PTPRM: variants seen among roughly 807,000 people sequenced by gnomAD.
PTPRM encodes the protein protein tyrosine phosphatase receptor type M, also known as receptor-type tyrosine-protein phosphatase mu.
In PTPRM, 47 loss-of-function variants were observed where a neutral mutation model predicts 186.7. The observed-to-expected ratio is 0.25, with a 90% CI of 0.20 to 0.32. PTPRM has a LOEUF of 0.32. Among genes scored for constraint, PTPRM ranks in the 10% least tolerant of loss-of-function variants. The probability of loss-of-function intolerance (pLI) is 1.00; values close to 1 mark genes in which losing one functional copy is unlikely to be tolerated. For missense variants in PTPRM, 1,494 were observed against 1,865.0 expected, an observed-to-expected ratio of 0.80 and a Z score of 3.66; for synonymous variants, 668 against 674.9, an observed-to-expected ratio of 0.99 and a Z score of 0.16.
rs1209353785 is a variant in PTPRM, at chr18:7,960,476, TATATACACAC to T, written c.1132+5064_1132+5073del. ...ATATATATATATATATATATATATA[TATATACACAC>T]ACACACACACACACACACACACGTG... On this transcript the variant is annotated intron_variant, in intron 7 of 32. Coordinates refer to ENST00000580170, the MANE Select transcript of PTPRM (RefSeq NM_001105244.2). 1.5e-4 allele frequency among the ~76,000 whole-genome samples: 17 copies of T among 114,450 alleles called. No individual in the cohort carries two copies. In the East Asian group the frequency reaches 3.2e-3, roughly 22 times the overall value. 75.1% of individuals were successfully genotyped at this position (114,450 alleles called of 152,430 possible).
At chr18:8,345,244 A>AAGG (rs1279233465) in intron 23 of PTPRM, among the ~76,000 whole-genome samples, 2 of 84,354 alleles carry the variant, frequency 2.4e-5, no homozygotes, top group Non-Finnish European at 5.5e-5. Context: ...AAGAAAAAAA[A>AAGG]AAGGAAATAA....
At chr18:8,386,180 G>A (rs2095771646) in intron 30 of PTPRM, among the ~76,000 whole-genome samples, 1 of 152,152 alleles carries the variant, frequency 6.6e-6, no homozygotes, top group Non-Finnish European at 1.5e-5. Context: ...AATATCAGGT[G>A]GGCCTTTGAA....
At chr18:8,054,116 G>A (rs569954248) in intron 7 of PTPRM, among the ~76,000 whole-genome samples, 1 of 151,662 alleles carries the variant, frequency 6.6e-6, no homozygotes, top group South Asian at 2.1e-4. Context: ...ATTTCTTACT[G>A]TACTGAATGG....
chr18:7,772,013 G>A (rs922908289), intron 1 of PTPRM, among the ~76,000 whole-genome samples: 4 of 152,210 alleles, frequency 2.6e-5, no homozygotes, highest in Non-Finnish European at 5.9e-5. Context: ...GCTCGCAGAA[G>A]CTGAGAATGG....
chr18:8,384,205 C>T (rs1230279625), intron 29 of PTPRM, among the ~76,000 whole-genome samples: 1 of 152,178 alleles, frequency 6.6e-6, no homozygotes, highest in Admixed American at 6.5e-5. Context: ...CATCCGTAAT[C>T]CCAGCAATTT....
At chr18:7,615,527 C>A (rs902975874) in intron 1 of PTPRM, among the ~76,000 whole-genome samples, 16 of 152,110 alleles carry the variant, frequency 1.1e-4, no homozygotes, top group African/African-American at 3.4e-4. Context: ...GGAGCCATCC[C>A]TGTCATCTGG....
Position 8,055,940 on chromosome 18 carries a change from A to T in PTPRM, c.1133-13746A>T, listed in dbSNP as rs114009375. Among the ~76,000 whole-genome samples the T allele has an allele frequency of 9.5e-4, 145 of 152,082 alleles. 1 individual carries two copies. The highest frequency in any genetic ancestry group is 2.8e-3 in the African/African-American group (117 of 41,462). On this transcript the variant is annotated intron_variant, in intron 7 of 32. Transcript: ENST00000580170. ...ATATAGACAACTAGAGTTCCACCTT[A>T]CCCTTTGTTTTGGATAAGGGACATG...
chr18:7,706,426 A>G (rs575465048), intron 1 of PTPRM, among the ~76,000 whole-genome samples: 2 of 151,698 alleles, frequency 1.3e-5, no homozygotes, highest in South Asian at 2.1e-4. Flanking sequence ...GGGAGACCCT[A>G]CTTCTACAAA....
intron 1 of PTPRM, 107 bp from the exon 2 acceptor site, chr18:7,774,042 G>A (rs2042463727): frequency 8.6e-7 from 1 of 1,166,328 alleles, no homozygotes; most frequent in Admixed American, 2.2e-5. Flanking sequence ...ATCAGATTTA[G>A]TTTGGCATCA....
intron 7 of PTPRM, among the ~76,000 whole-genome samples, chr18:8,034,279 C>T (rs1225535007): frequency 6.6e-6 from 1 of 152,180 alleles, no homozygotes; most frequent in African/African-American, 2.4e-5. Context: ...TACGTTCACC[C>T]TATCCCAACA....
At chr18:7,873,826 A>G (rs1391233843) in intron 2 of PTPRM, among the ~76,000 whole-genome samples, 1 of 152,230 alleles carries the variant, frequency 6.6e-6, no homozygotes, top group Admixed American at 6.5e-5. Context: ...TGTCTGGAGC[A>G]GTTGCTTAGT....
At chr18:7,676,669 G>A (rs1043984799) in intron 1 of PTPRM, among the ~76,000 whole-genome samples, 211 of 149,174 alleles carry the variant, frequency 1.4e-3, no homozygotes, top group African/African-American at 4.3e-3. Context: ...GTGTATGTGT[G>A]TGTGTGTGTG....
At chr18:7,917,932 C>T (rs2050655172) in intron 4 of PTPRM, among the ~76,000 whole-genome samples, 1 of 152,068 alleles carries the variant, frequency 6.6e-6, no homozygotes, top group Non-Finnish European at 1.5e-5. Flanking sequence ...AGAATATGTT[C>T]TATTTGTTTT....
intron 9 of PTPRM, among the ~76,000 whole-genome samples, chr18:8,083,195 C>A (rs1230796933): frequency 6.6e-6 from 1 of 152,130 alleles, no homozygotes; most frequent in Non-Finnish European, 1.5e-5. Flanking sequence ...TCAGGGTGAA[C>A]TCTTTATAAG....
chr18:7,960,482 C>T lies in PTPRM; in HGVS notation c.1132+5068C>T, dbSNP rs11081347. 7.1e-3 allele frequency among the ~76,000 whole-genome samples: 622 copies of T among 87,080 alleles called. 1 individual carries two copies. Among genetic ancestry groups the T allele is most frequent in the East Asian group, 0.021 (44 of 2,130 alleles). The allele number at this position is 87,080 out of a possible 152,430, so 57.1% of individuals were successfully genotyped here. On this transcript the variant is annotated intron_variant, in intron 7 of 32. Coordinates refer to ENST00000580170, the MANE Select transcript of PTPRM (RefSeq NM_001105244.2). ...ATATATATATATATATATATATATA[C>T]ACACACACACACACACACACACACA...
intron 14 of PTPRM, among the ~76,000 whole-genome samples, chr18:8,168,371 G>A (rs28671298): frequency 0.016 from 2,474 of 152,130 alleles, 72 homozygotes; most frequent in African/African-American, 0.057. Flanking sequence ...TTATAACATC[G>A]TTTGTAATTG....
chr18:8,246,123 T>C (rs2094474675), intron 15 of PTPRM, among the ~76,000 whole-genome samples: 1 of 152,172 alleles, frequency 6.6e-6, no homozygotes, highest in Non-Finnish European at 1.5e-5. Context: ...GAGGTAGATA[T>C]CATAATACTG....
intron 2 of PTPRM, among the ~76,000 whole-genome samples, chr18:7,857,801 G>T (rs184028529): frequency 6.6e-6 from 1 of 152,154 alleles, no homozygotes; most frequent in Non-Finnish European, 1.5e-5. Context: ...CAAAGCCCTT[G>T]AATACAGAAA....
chr18:7,734,296 C>T (rs1345634623), intron 1 of PTPRM, among the ~76,000 whole-genome samples: 2 of 152,124 alleles, frequency 1.3e-5, no homozygotes, highest in Non-Finnish European at 2.9e-5. Context: ...CATGATGGTA[C>T]ATTATTTCTG....
Sources: allele counts gnomAD v4.1 joint callset (sites outside exome capture counted in the v4.1 genomes callset), GRCh38; gene constraint gnomAD v4.1.1; transcripts MANE v1.5; gene names NCBI Gene and HGNC (gene_info 2026-07-23, HGNC 2026-07-21).